LINGO2: variants seen among roughly 807,000 people sequenced by gnomAD.
LINGO2 encodes the protein leucine rich repeat and Ig domain containing 2, also known as leucine-rich repeat and immunoglobulin-like domain-containing nogo receptor-interacting protein 2.
LINGO2 carries 14 observed loss-of-function variants against 30.6 expected under a neutral mutation model. The observed-to-expected ratio is 0.46, with a 90% CI of 0.30 to 0.72. The LOEUF (loss-of-function observed/expected upper bound fraction) is 0.72. Ranked by LOEUF, LINGO2 falls within the 30% of genes least tolerant of loss-of-function variation. The probability of loss-of-function intolerance (pLI) is 0.07; values close to 1 mark genes in which losing one functional copy is unlikely to be tolerated. For synonymous variants in LINGO2, 317 were observed against 288.5 expected (o/e 1.10, Z -1.00); for missense variants, 729 against 751.7 (o/e 0.97, Z 0.35).
chr9:28,468,114 T>C (rs1048258452), intron 2 of LINGO2, among the ~76,000 whole-genome samples: 17 of 152,184 alleles, frequency 1.1e-4, no homozygotes, highest in African/African-American at 4.1e-4. Context: ...AATTTAATAG[T>C]ATATCTGATA....
intron 1 of LINGO2, among the ~76,000 whole-genome samples, chr9:28,650,262 C>T (rs745786106): frequency 2.0e-5 from 3 of 152,092 alleles, no homozygotes; most frequent in Non-Finnish European, 4.4e-5. Flanking sequence ...GACTCTAGCA[C>T]GTGGGCTCTT....
intron 1 of LINGO2, among the ~76,000 whole-genome samples, chr9:28,609,837 T>C (rs1254280172): frequency 1.3e-5 from 2 of 152,052 alleles, no homozygotes; most frequent in Non-Finnish European, 2.9e-5. Context: ...CCTAGGAAAA[T>C]TCTAAAAGTC....
the LINGO2 span, among the ~76,000 whole-genome samples, chr9:28,763,873 A>G: frequency 0.086 from 13,035 of 151,786 alleles, 670 homozygotes; most frequent in African/African-American, 0.1. Context: ...AATAAAAAGG[A>G]TCATAAGAGA....
intron 1 of LINGO2, among the ~76,000 whole-genome samples, chr9:28,665,556 G>C (rs1828768630): frequency 6.6e-6 from 1 of 152,060 alleles, no homozygotes. Context: ...AAAGGATGAA[G>C]AAAAACACAC....
chr9:28,619,744 G>A (rs1482278573), intron 1 of LINGO2, among the ~76,000 whole-genome samples: 1 of 151,986 alleles, frequency 6.6e-6, no homozygotes, highest in African/African-American at 2.4e-5. Context: ...CAGTTTCACT[G>A]GTGCTATGTG....
intron 4 of LINGO2, among the ~76,000 whole-genome samples, chr9:28,079,526 C>T (rs1337587466): frequency 5.3e-5 from 8 of 152,184 alleles, no homozygotes; most frequent in African/African-American, 1.7e-4. Flanking sequence ...CCTTCCTACA[C>T]TTTTTGTTTG....
the LINGO2 span, among the ~76,000 whole-genome samples, chr9:28,881,500 A>G: frequency 6.6e-6 from 1 of 152,214 alleles, no homozygotes; most frequent in African/African-American, 2.4e-5. Context: ...TTAATTTTCA[A>G]AAATACAGAA....
chr9:28,952,723 T>A, the LINGO2 span, among the ~76,000 whole-genome samples: 3 of 152,090 alleles, frequency 2.0e-5, no homozygotes, highest in Non-Finnish European at 4.4e-5. Flanking sequence ...CCATCCAGAC[T>A]CAGTGGAACT....
chr9:28,809,114 T>A, the LINGO2 span, among the ~76,000 whole-genome samples: 1 of 152,246 alleles, frequency 6.6e-6, no homozygotes, highest in African/African-American at 2.4e-5. Flanking sequence ...AAACTAATAA[T>A]CTTTTTAAAC....
intron 2 of LINGO2, among the ~76,000 whole-genome samples, chr9:28,459,270 TAA>T (rs5897302): frequency 1.8e-4 from 26 of 147,920 alleles, no homozygotes; most frequent in South Asian, 4.2e-4. Context: ...GGAGAAAACT[TAA>T]AAAAAAAAAA....
At chr9:28,067,330 TTAGAGATAG>T (rs1164429002) in intron 4 of LINGO2, among the ~76,000 whole-genome samples, 2 of 152,140 alleles carry the variant, frequency 1.3e-5, no homozygotes, top group Admixed American at 6.6e-5. Flanking sequence ...TTACCAAAAC[TTAGAGATAG>T]TATAGCATTT....
At chr9:28,087,249 G>A (rs752285671) in intron 4 of LINGO2, among the ~76,000 whole-genome samples, 21 of 152,036 alleles carry the variant, frequency 1.4e-4, no homozygotes, top group Non-Finnish European at 2.5e-4. Context: ...TGTTGGAAGT[G>A]CCCAGCTGAC....
chr9:29,197,269 A>G, the LINGO2 span, among the ~76,000 whole-genome samples: 4 of 152,018 alleles, frequency 2.6e-5, no homozygotes, highest in South Asian at 4.1e-4. Flanking sequence ...CCCAGCTTGG[A>G]CCAGAATTTT....
At chr9:28,515,919 C>T (rs376064540) in intron 1 of LINGO2, among the ~76,000 whole-genome samples, 1 of 152,100 alleles carries the variant, frequency 6.6e-6, no homozygotes, top group Non-Finnish European at 1.5e-5. Flanking sequence ...CTTTTGTTGT[C>T]TTATTTTAAA....
At chr9:28,449,283 C>T (rs1824553255) in intron 2 of LINGO2, among the ~76,000 whole-genome samples, 1 of 151,918 alleles carries the variant, frequency 6.6e-6, no homozygotes. Context: ...ATCTCAAAGT[C>T]CTATGGCAGA....
chr9:28,734,805 G>A, the LINGO2 span, among the ~76,000 whole-genome samples: 4 of 152,002 alleles, frequency 2.6e-5, no homozygotes, highest in Non-Finnish European at 5.9e-5. Context: ...GTCCCACTCG[G>A]CATCTCCACC....
the LINGO2 span, among the ~76,000 whole-genome samples, chr9:29,174,652 A>T: frequency 2.0e-5 from 3 of 152,200 alleles, no homozygotes; most frequent in African/African-American, 7.2e-5. Flanking sequence ...AAAATTTAAA[A>T]GTCTATTGAA....
At chr9:27,940,082 A>T in the LINGO2 span, 1 of 152,162 alleles carries the variant, frequency 6.6e-6, no homozygotes, top group African/African-American at 2.4e-5. Context: ...TTTTTTTAGC[A>T]GACAAATAGA....
chr9:28,823,615 A>C, the LINGO2 span, among the ~76,000 whole-genome samples: 5 of 152,286 alleles, frequency 3.3e-5, no homozygotes, highest in South Asian at 1.0e-3. Flanking sequence ...TGCTGTGAGA[A>C]AGCCTAAGAT....
Sources: allele counts gnomAD v4.1 joint callset (sites outside exome capture counted in the v4.1 genomes callset), GRCh38; gene constraint gnomAD v4.1.1; transcripts MANE v1.5; gene names NCBI Gene and HGNC (gene_info 2026-07-23, HGNC 2026-07-21).